ERCC6: variants seen among roughly 807,000 people sequenced by gnomAD.
ERCC6 encodes the protein ERCC excision repair 6, chromatin remodeling factor, also known as DNA excision repair protein ERCC-6.
ERCC6 carries 116 observed loss-of-function variants against 158.7 expected under a neutral mutation model. The ratio of observed to expected loss-of-function variants is 0.73; its 90% CI spans 0.63 to 0.85. The LOEUF (loss-of-function observed/expected upper bound fraction) is 0.85. ERCC6 is among the 40% of genes least tolerant of loss of function. The pLI, the probability that ERCC6 is intolerant of heterozygous loss-of-function variation, is 0.00. For missense variants in ERCC6, 1,698 were observed against 1,799.4 expected, an observed-to-expected ratio of 0.94 and a Z score of 1.02; for synonymous variants, 678 against 659.3, an observed-to-expected ratio of 1.03 and a Z score of -0.43.
At chr10:49,538,123 T>G (rs1457695924) in intron 1 of ERCC6, among the ~76,000 whole-genome samples, 1 of 152,244 alleles carries the variant, frequency 6.6e-6, no homozygotes, top group Non-Finnish European at 1.5e-5. Flanking sequence ...GCCTAAGTCT[T>G]GCAGAGTATC....
downstream of ERCC6, among the ~76,000 whole-genome samples, chr10:49,453,352 T>C (rs919536551): frequency 1.3e-5 from 2 of 152,162 alleles, no homozygotes; most frequent in South Asian, 2.1e-4. Context: ...GGTATACATA[T>C]GGTATCTATT....
At position 49,500,318 on chromosome 10, in the gene ERCC6, A is replaced by G. The variant is rs1851335310; in HGVS notation, c.1685+220T>C. Among the ~76,000 whole-genome samples the G allele has an allele frequency of 5.3e-5, 8 of 152,180 alleles. No homozygotes were observed. In the South Asian group the frequency reaches 1.7e-3, roughly 32 times the overall value. ...GGCTCATCTGCAAAATGAAGCATCAATGCCTGGAATTCATTAAAAGTGTTA... is the reference window on the plus strand; with the variant it reads ...GGCTCATCTGCAAAATGAAGCATCAGTGCCTGGAATTCATTAAAAGTGTTA... On this transcript the variant is annotated intron_variant, in intron 7 of 20. Transcript: ENST00000355832.
chr10:49,496,260 A>G (rs1245887164), intron 7 of ERCC6, among the ~76,000 whole-genome samples: 1 of 152,182 alleles, frequency 6.6e-6, no homozygotes, highest in East Asian at 1.9e-4. Context: ...CTGACAAAAC[A>G]CAAATCACCT....
At chr10:49,529,890 T>A (rs1474085889) in intron 3 of ERCC6, among the ~76,000 whole-genome samples, 4 of 151,834 alleles carry the variant, frequency 2.6e-5, no homozygotes, top group African/African-American at 9.7e-5. Flanking sequence ...TAAAAAAAGT[T>A]TCAAACTTCA....
intron 18 of ERCC6, among the ~76,000 whole-genome samples, chr10:49,469,223 G>A (rs1850729113): frequency 6.6e-6 from 1 of 152,108 alleles, no homozygotes; most frequent in South Asian, 2.1e-4. Context: ...TAATTACAAA[G>A]GTAAAAATAT....
the ERCC6 span, among the ~76,000 whole-genome samples, chr10:49,441,224 G>A: frequency 6.6e-6 from 1 of 152,230 alleles, no homozygotes; most frequent in African/African-American, 2.4e-5. Context: ...CTGGGTACAA[G>A]AGCCATGTAC....
intron 1 of ERCC6, among the ~76,000 whole-genome samples, chr10:49,535,005 G>T (rs902379080): frequency 1.3e-5 from 2 of 152,156 alleles, no homozygotes; most frequent in African/African-American, 4.8e-5. Flanking sequence ...AGCATCGAGC[G>T]AACTATATAT....
rs190863815 is a variant in ERCC6, at chr10:49,472,425, C to A, written c.2875G>T (p.Val959Leu). 781 of 1,614,184 alleles carry A rather than the reference C, an allele frequency of 4.8e-4. 4 individuals carry two copies. In the Admixed American group the frequency reaches 0.012, roughly 25 times the overall value. Reference protein sequence around the residue: ...WRIGQKKQVTVYRLLTAGTIE... With the variant: ...WRIGQKKQVTLYRLLTAGTIE... ...GTGCCCGCAGTCAGGAGCCTGTACACAGTCACTTGCTTCTTCTGGCCTATT... is the reference window on the plus strand; with the variant it reads ...GTGCCCGCAGTCAGGAGCCTGTACAAAGTCACTTGCTTCTTCTGGCCTATT... Residue 959 changes from valine (V) to leucine (L), a missense_variant, in exon 16 of 21, where the codon GTG becomes TTG. Transcript: ENST00000355832.
intron 4 of ERCC6, 159 bp from the exon 5 acceptor site, chr10:49,524,936 T>C: frequency 6.8e-7 from 1 of 1,480,274 alleles, no homozygotes; most frequent in Non-Finnish European, 8.9e-7. Context: ...AAGGACAGAA[T>C]AAAATTATAG....
Position 49,500,634 on chromosome 10 carries a change from A to G in ERCC6, c.1589T>C (p.Leu530Pro), listed in dbSNP as rs1057518910. 7 of 1,614,062 alleles carry G rather than the reference A, an allele frequency of 4.3e-6. No individual in the cohort carries two copies. Among genetic ancestry groups the G allele is most frequent in the Non-Finnish European group, 5.1e-6 (6 of 1,179,922 alleles). Reference protein sequence around the residue: ...ELHCQQAGGILGDEMGLGKTI... With the variant: ...ELHCQQAGGIPGDEMGLGKTI... Reference sequence around the variant, plus strand: ...CTTGCCCAATCCCATTTCATCTCCCAGAATTCCTCCTGCCTGCTGGCAGTG... The same window carrying G: ...CTTGCCCAATCCCATTTCATCTCCCGGAATTCCTCCTGCCTGCTGGCAGTG... The change falls in exon 7 of 21, where the codon CTG becomes CCG. Residue 530 changes from leucine to proline, a missense_variant. Leu to Pro is a moderately conservative substitution (Grantham distance 98). Coordinates refer to ENST00000355832, the MANE Select transcript of ERCC6 (RefSeq NM_000124.4).
At position 49,515,240 on chromosome 10, in the gene ERCC6, A is replaced by T. The variant is rs1393735720; in HGVS notation, c.1397+8793T>A. The T allele has an allele frequency of 1.0e-4, 147 of 1,453,490 alleles. 1 individual carries two copies. The South Asian group carries it at 2.2e-3, about 22-fold the overall frequency. 90.0% of individuals were successfully genotyped at this position (1,453,490 alleles called of 1,614,324 possible). On this transcript the variant is annotated intron_variant, in intron 5 of 20. Transcript: ENST00000355832. ...ATTTATTATGTTCCATTGTTATGTG[A>T]CGTTCCAAAATTGGAACACTAGGCA...
rs1316422711 is a variant in ERCC6 at position 49,500,607 on chromosome 10, G to A, written c.1616C>T (p.Thr539Ile). The change falls in exon 7 of 21, where the codon ACC (threonine) becomes ATC (isoleucine). Residue 539 changes from threonine (T) to isoleucine (I), a missense_variant. Thr to Ile is a moderately conservative substitution (Grantham distance 89). Coordinates refer to ENST00000355832, the MANE Select transcript of ERCC6 (RefSeq NM_000124.4). ...ILGDEMGLGKTIQIIAFLAGL... is the reference protein window; with the variant it reads ...ILGDEMGLGKIIQIIAFLAGL... ...TGCCAAGAAGGCAATTATCTGGATG[G>A]TCTTGCCCAATCCCATTTCATCTCC... is the stretch of plus-strand genomic sequence containing the variant. 1 of 1,613,968 alleles carries A rather than the reference G, an allele frequency of 6.2e-7. No individual in the cohort carries two copies. The highest frequency in any genetic ancestry group is 8.5e-7 in the Non-Finnish European group (1 of 1,179,906).
intron 1 of ERCC6, among the ~76,000 whole-genome samples, chr10:49,533,768 A>C (rs965212041): frequency 1.3e-5 from 2 of 152,146 alleles, no homozygotes; most frequent in African/African-American, 4.8e-5. Flanking sequence ...GCACAACTGC[A>C]CTCTAGCCTG....
chr10:49,528,336 G>A (rs1371551326), intron 4 of ERCC6, 81 bp downstream of exon 4: 1 of 1,532,668 alleles, frequency 6.5e-7, no homozygotes, highest in South Asian at 1.1e-5. Flanking sequence ...CCCAGGCAAA[G>A]ACTAAAGAGA....
Position 49,483,411 on chromosome 10 carries a change from C to T in ERCC6, c.1927G>A (p.Val643Met), listed in dbSNP as rs1262184628. ...ATTTTGTGTCCTTCGTCCAAGATCA[C>T]ATAGTGCCAGTCATACCTGCTAATG... ...DDISRYDWHYVILDEGHKIRN... is the reference protein window; with the variant it reads ...DDISRYDWHYMILDEGHKIRN... The change falls in exon 9 of 21, where the codon GTG becomes ATG. Residue 643 changes from valine (V) to methionine (M), a missense_variant. Physicochemically the swap from Val to Met is conservative, Grantham distance 21 (BLOSUM62 1). Transcript: ENST00000355832. The T allele has an allele frequency of 1.9e-6, 3 of 1,614,040 alleles. No individual in the cohort carries two copies. Among genetic ancestry groups the T allele is most frequent in the Non-Finnish European group, 2.5e-6 (3 of 1,180,024 alleles).
At chr10:49,461,752 C>G (rs1298339517) in intron 18 of ERCC6, among the ~76,000 whole-genome samples, 196 bp from the exon 19 acceptor site, 1 of 152,070 alleles carries the variant, frequency 6.6e-6, no homozygotes, top group African/African-American at 2.4e-5. Flanking sequence ...ACACAGAAAC[C>G]TATAACCTTC....
intron 18 of ERCC6, 36 bp downstream of exon 18, chr10:49,470,146 C>T (rs764831387): frequency 6.3e-7 from 1 of 1,590,822 alleles, no homozygotes; most frequent in Non-Finnish European, 8.6e-7. Context: ...TTTTCTAATC[C>T]TAGCATCCCT....
At chr10:49,528,386 AAC>A in intron 4 of ERCC6, 29 bp downstream of exon 4, 2 of 1,613,026 alleles carry the variant, frequency 1.2e-6, no homozygotes, top group Non-Finnish European at 1.7e-6. Flanking sequence ...TCAATTCAAG[AAC>A]ACAGAGAAAC....
chr10:49,500,250 G>A (rs1851334465), intron 7 of ERCC6, among the ~76,000 whole-genome samples: 2 of 152,104 alleles, frequency 1.3e-5, no homozygotes, highest in Admixed American at 1.3e-4. Context: ...TCCCTTTGTA[G>A]AAGCTAACCT....
Sources: gnomAD v4.1 joint callset for allele counts (sites outside exome capture counted in the v4.1 genomes callset) on GRCh38, gnomAD v4.1.1 for gene constraint, MANE v1.5 for transcripts, NCBI Gene and HGNC (gene_info 2026-07-23, HGNC 2026-07-21) for gene names.